The following AGBL1 variants were observed in gnomAD, a reference collection of about 807,000 sequenced individuals.
AGBL1 encodes the protein cytosolic carboxypeptidase 4.
AGBL1 carries 130 observed loss-of-function variants against 118.9 expected under a neutral mutation model. The observed-to-expected ratio is 1.09, with a 90% confidence interval of 0.95 to 1.26. AGBL1 has a LOEUF of 1.26. Ranked by LOEUF, AGBL1 falls within the 50% of genes most tolerant of loss-of-function variation. The pLI is 0.00. For missense variants in AGBL1, 1,584 were observed against 1,298.1 expected (o/e 1.22, Z -3.38); for synonymous variants, 555 against 478.9 (o/e 1.16, Z -2.08).
At chr15:86,546,263 C>T in intron 20 of AGBL1, 130 bp downstream of exon 20, 3 of 1,104,528 alleles carry the variant, frequency 2.7e-6, no homozygotes, top group South Asian at 2.5e-5. Flanking sequence ...ATTATTCTAA[C>T]CATAGGATTG....
downstream of AGBL1, among the ~76,000 whole-genome samples, chr15:86,918,578 G>A (rs573213812): frequency 8.6e-5 from 13 of 151,480 alleles, no homozygotes; most frequent in Middle Eastern, 3.4e-3. Flanking sequence ...GTAATTTTCC[G>A]AGTCTTATTT....
At chr15:86,793,183 C>T (rs1458075351) in intron 22 of AGBL1, among the ~76,000 whole-genome samples, 2 of 152,098 alleles carry the variant, frequency 1.3e-5, no homozygotes, top group Non-Finnish European at 2.9e-5. Context: ...CATCCATCTG[C>T]CTCCTTCCTC....
chr15:86,591,943 A>G (rs1383636291), intron 21 of AGBL1, among the ~76,000 whole-genome samples: 1 of 152,142 alleles, frequency 6.6e-6, no homozygotes, highest in Non-Finnish European at 1.5e-5. Context: ...ACAAAACATC[A>G]CTGTGGAGAT....
At chr15:86,175,631 C>G (rs576297524) in intron 5 of AGBL1, among the ~76,000 whole-genome samples, 19 of 152,000 alleles carry the variant, frequency 1.3e-4, no homozygotes, top group African/African-American at 4.6e-4. Context: ...GACATAGTCA[C>G]TTTTTTGCTA....
At chr15:86,254,588 A>G (rs1173816354) in intron 7 of AGBL1, among the ~76,000 whole-genome samples, 1 of 152,198 alleles carries the variant, frequency 6.6e-6, no homozygotes, top group East Asian at 1.9e-4. Context: ...CAAGTAGCAG[A>G]TGTGTTATTG....
chr15:86,108,957 A>T (rs1400800337), intron 1 of AGBL1, among the ~76,000 whole-genome samples: 1 of 152,160 alleles, frequency 6.6e-6, no homozygotes, highest in Non-Finnish European at 1.5e-5. Flanking sequence ...ACTCCATCTC[A>T]AACAAACAAA....
chr15:86,807,239 G>T (rs755606380), intron 22 of AGBL1, among the ~76,000 whole-genome samples: 1 of 152,142 alleles, frequency 6.6e-6, no homozygotes, highest in Non-Finnish European at 1.5e-5. Context: ...CAAATAGACA[G>T]CCAGGGTCTG....
At chr15:86,633,058 TAAATA>T (rs1282253338) in intron 21 of AGBL1, among the ~76,000 whole-genome samples, 3 of 151,794 alleles carry the variant, frequency 2.0e-5, no homozygotes, top group Non-Finnish European at 4.4e-5. Flanking sequence ...CTTTATATGA[TAAATA>T]AAAATAAATC....
chr15:86,594,341 A>G (rs2084378520), intron 21 of AGBL1, among the ~76,000 whole-genome samples: 2 of 152,118 alleles, frequency 1.3e-5, no homozygotes. Context: ...TTTGATTTTG[A>G]GGTCTATTTG....
chr15:86,496,101 A>T (rs563216941), intron 18 of AGBL1, among the ~76,000 whole-genome samples: 20 of 151,998 alleles, frequency 1.3e-4, no homozygotes, highest in African/African-American at 4.8e-4. Flanking sequence ...CGGCATGTTG[A>T]GGGACAGACC....
chr15:86,330,800 A>G (rs915389487), intron 17 of AGBL1, among the ~76,000 whole-genome samples: 7 of 152,140 alleles, frequency 4.6e-5, no homozygotes, highest in Non-Finnish European at 1.5e-5. Context: ...CTGGAATTGG[A>G]AAAAAAATTG....
Position 86,312,993 on chromosome 15 carries a change from T to G in AGBL1, c.2374+17585T>G, listed in dbSNP as rs187924159. 5.8e-4 allele frequency among the ~76,000 whole-genome samples: 88 copies of G among 152,358 alleles called. 1 individual carries two copies. Among genetic ancestry groups the G allele is most frequent in the Non-Finnish European group, 1.1e-3 (76 of 68,030 alleles). On this transcript the variant is annotated intron_variant, in intron 17 of 22. Coordinates refer to ENST00000614907, the MANE Select transcript of AGBL1 (RefSeq NM_001386094.1). ...AGGATTTATGCGTCGTTGTAAATAA[T>G]GAGTGATTCTAAAAACTTTAAGCTG...
At chr15:86,810,795 G>C (rs1252098264) in intron 22 of AGBL1, among the ~76,000 whole-genome samples, 1 of 152,090 alleles carries the variant, frequency 6.6e-6, no homozygotes, top group Non-Finnish European at 1.5e-5. Context: ...AGCTCAACAA[G>C]GATGACTGCA....
At chr15:86,534,535 T>C (rs1016924883) in intron 19 of AGBL1, among the ~76,000 whole-genome samples, 14 of 152,192 alleles carry the variant, frequency 9.2e-5, no homozygotes, top group Non-Finnish European at 1.8e-4. Flanking sequence ...AGAGATTCAT[T>C]TGATATCACA....
chr15:86,755,466 T>C (rs2077922435), intron 22 of AGBL1, among the ~76,000 whole-genome samples: 1 of 152,074 alleles, frequency 6.6e-6, no homozygotes, highest in South Asian at 2.1e-4. Flanking sequence ...AACAAGAAGT[T>C]GCCCATCTTC....
intron 6 of AGBL1, among the ~76,000 whole-genome samples, chr15:86,228,963 T>C (rs2078410994): frequency 6.6e-6 from 1 of 152,188 alleles, no homozygotes; most frequent in African/African-American, 2.4e-5. Flanking sequence ...CCAAATCCCG[T>C]GCCTTTCCTT....
chr15:86,114,849 G>C (rs1897657406), intron 1 of AGBL1, among the ~76,000 whole-genome samples: 1 of 152,186 alleles, frequency 6.6e-6, no homozygotes, highest in Non-Finnish European at 1.5e-5. Flanking sequence ...CTACAAGTCT[G>C]TTTCTCAGTG....
At chr15:86,131,424 G>A (rs28415059) in intron 1 of AGBL1, among the ~76,000 whole-genome samples, 1 of 151,896 alleles carries the variant, frequency 6.6e-6, no homozygotes, top group Non-Finnish European at 1.5e-5. Flanking sequence ...TACTAATTTG[G>A]CTATTTTACA....
intron 22 of AGBL1, among the ~76,000 whole-genome samples, chr15:86,822,909 C>T (rs2078961333): frequency 1.3e-5 from 2 of 152,044 alleles, no homozygotes; most frequent in East Asian, 3.9e-4. Context: ...ATGGTAAGTA[C>T]ATGCTCTTAC....
Sources: gnomAD v4.1 joint callset for allele counts (sites outside exome capture counted in the v4.1 genomes callset) on GRCh38, gnomAD v4.1.1 for gene constraint, MANE v1.5 for transcripts, NCBI Gene and HGNC (gene_info 2026-07-23, HGNC 2026-07-21) for gene names.